Variants in TRPV3 observed in about 807,000 individuals in gnomAD.
The protein encoded by TRPV3 is transient receptor potential cation channel subfamily V member 3, also known as VRL-3.
Under a neutral mutation model 87.1 loss-of-function variants are expected in TRPV3, and 88 were observed. The observed-to-expected ratio is 1.01, with a 90% confidence interval of 0.85 to 1.21. The LOEUF (loss-of-function observed/expected upper bound fraction) is 1.21. Ranked by LOEUF, TRPV3 falls within the 50% of genes most tolerant of loss-of-function variation. TRPV3 has a pLI of 0.00. For synonymous variants in TRPV3, 438 were observed against 423.3 expected (o/e 1.03, Z -0.43); for missense variants, 1,054 against 1,030.1 (o/e 1.02, Z -0.32).
At chr17:3,520,178 GA>G (rs1555543756) in intron 14 of TRPV3, among the ~76,000 whole-genome samples, 1 of 151,568 alleles carries the variant, frequency 6.6e-6, no homozygotes, top group East Asian at 2.0e-4. Context: ...CTGAAGAAAA[GA>G]AAAAAAAGCA....
intron 14 of TRPV3, among the ~76,000 whole-genome samples, chr17:3,519,908 G>GGATA (rs2074230002): frequency 1.5e-5 from 1 of 68,380 alleles, no homozygotes; most frequent in African/African-American, 8.0e-5. Context: ...ATGATTAGAT[G>GGATA]GATGGATGGA....
At chr17:3,523,718 C>CAAAAAAAAAAAAAAAAAAAAAAAAAAAA (rs201681037) in intron 13 of TRPV3, among the ~76,000 whole-genome samples, 1 of 78,638 alleles carries the variant, frequency 1.3e-5, no homozygotes. Context: ...ACTTGGTCTC[C>CAAAAAAAAAAAAAAAAAAAAAAAAAAAA]AAAAAAAAAA....
At chr17:3,542,895 G>A (rs2074481403) in intron 5 of TRPV3, among the ~76,000 whole-genome samples, 197 bp from the exon 6 acceptor site, 1 of 151,930 alleles carries the variant, frequency 6.6e-6, no homozygotes, top group Non-Finnish European at 1.5e-5. Context: ...CTTGCTCTCT[G>A]TGGCCCATGG....
chr17:3,535,557 CG>C lies in TRPV3; in HGVS notation c.784+15del. On this transcript the variant is annotated intron_variant, in intron 7 of 17. Coordinates refer to ENST00000576742, the MANE Select transcript of TRPV3 (RefSeq NM_145068.4). The stretch of plus-strand genomic sequence containing the variant: ...CCCTCCTCCCAGACTCCGCACCGGG[CG>C]GGGGCGGCACCCACCGAAGTAGAAG... 6.4e-7 allele frequency: 1 copy of C among 1,570,684 alleles called. No individual in the cohort carries two copies. Among genetic ancestry groups the C allele is most frequent in the South Asian group, 1.2e-5 (1 of 86,444 alleles).
intron 11 of TRPV3, 73 bp downstream of exon 11, chr17:3,527,952 G>C (rs1341173596): frequency 4.1e-5 from 48 of 1,175,452 alleles, no homozygotes; most frequent in South Asian, 3.9e-4. Flanking sequence ...AGTAATGGCA[G>C]AGCAGAGAGG....
chr17:3,530,356 C>G lies in TRPV3; in HGVS notation c.1066-153G>C. The G allele has an allele frequency of 1.5e-6, 1 of 664,022 alleles. No homozygotes were observed. Among genetic ancestry groups the G allele is most frequent in the Non-Finnish European group, 2.5e-6 (1 of 407,596 alleles). The allele number at this position is 664,022 out of a possible 1,614,324, so 41.1% of individuals were successfully genotyped here. On this transcript the variant is annotated intron_variant, in intron 8 of 17. Transcript: ENST00000576742. This position sits in a 1 kb window ranked among gnomAD's most constrained non-coding sequence, Gnocchi z 4.0. ...CGCCTGGCGCCATGGCCCCTGGGCC[C>G]CGTCTTTATCTGTGGAATGCGCACA...
intron 1 of TRPV3, among the ~76,000 whole-genome samples, chr17:3,555,500 C>G (rs1318159104): frequency 6.6e-6 from 1 of 152,200 alleles, no homozygotes; most frequent in African/African-American, 2.4e-5. Flanking sequence ...GTGTAACCAG[C>G]TTATGGCTGC....
chr17:3,552,058 T>A (rs1313666406), intron 2 of TRPV3, among the ~76,000 whole-genome samples: 4 of 147,334 alleles, frequency 2.7e-5, no homozygotes, highest in Admixed American at 2.0e-4. Context: ...AATTTTTGTA[T>A]TTTTTTTTAG....
At chr17:3,536,772 G>T (rs996992513) in intron 6 of TRPV3, among the ~76,000 whole-genome samples, 14 of 152,236 alleles carry the variant, frequency 9.2e-5, no homozygotes, top group Admixed American at 7.2e-4. Context: ...GTGGGTGAAT[G>T]ATACGCTGGT....
chr17:3,521,214 G>T (rs1459348593), intron 13 of TRPV3, among the ~76,000 whole-genome samples, 175 bp from the exon 14 acceptor site: 1 of 143,914 alleles, frequency 6.9e-6, no homozygotes, highest in Non-Finnish European at 1.5e-5. Flanking sequence ...ACTGGATCCT[G>T]CCTCCTCCAG....
In TRPV3 at chr17:3,530,070, TC is replaced by T; in HGVS notation, c.1198del (p.Asp400ThrfsTer21). 1 of 1,614,042 alleles carries T rather than the reference TC, an allele frequency of 6.2e-7. No homozygotes were observed. The highest frequency in any genetic ancestry group is 8.5e-7 in the Non-Finnish European group (1 of 1,179,950). ...GACAGTGATTTCCAGCACTGAGTTG[TC>T]CGTGGTGGTGTCCACGTTGGTGAGG... ...YDLTNVDTTTDNSVLEITVYN... is the reference protein window; with the variant it reads ...YDLTNVDTTTXNSVLEITVYN... On this transcript the variant is annotated frameshift_variant, in exon 9 of 18. Transcript: ENST00000576742. LOFTEE classifies it high-confidence loss of function. The surrounding 1 kb of genome is among the most constrained non-coding windows in gnomAD (Gnocchi z 4.0).
chr17:3,514,592 C>T lies in TRPV3; in HGVS notation c.2278+1G>A, dbSNP rs1420359689. 3.1e-6 allele frequency: 5 copies of T among 1,611,860 alleles called. No homozygotes were observed. Among genetic ancestry groups the T allele is most frequent in the Admixed American group, 1.7e-5 (1 of 60,024 alleles). On this transcript the variant is annotated splice_donor_variant, in intron 17 of 17. Transcript: ENST00000576742. LOFTEE classifies it high-confidence loss of function. ...ACCATGTCACCTCACAGCGACAGTA[C>T]CTGTTCGTCTTACAGGCCCCGGGTC...
In TRPV3 at chr17:3,528,816, C is replaced by T. The variant is rs1480269931; in HGVS notation, c.1401+21G>A. 1 of 1,613,598 alleles carries T rather than the reference C, an allele frequency of 6.2e-7. No individual in the cohort carries two copies. Among genetic ancestry groups the T allele is most frequent in the Non-Finnish European group, 8.5e-7 (1 of 1,179,794 alleles). Reference sequence around the variant, plus strand: ...TCCAGCTCTGACGGCCCCATTTTCCCCCTCCAAGGGGCCCACGTACCTCCT... The same window carrying T: ...TCCAGCTCTGACGGCCCCATTTTCCTCCTCCAAGGGGCCCACGTACCTCCT... On this transcript the variant is annotated intron_variant, in intron 10 of 17. Transcript: ENST00000576742. This position sits in a 1 kb window ranked among gnomAD's most constrained non-coding sequence, Gnocchi z 4.2.
rs762358440 is a variant in TRPV3 at position 3,545,282 on chromosome 17, A to C, written c.120-11T>G. 1.9e-6 allele frequency: 3 copies of C among 1,605,794 alleles called. No homozygotes were observed. Among genetic ancestry groups the C allele is most frequent in the Non-Finnish European group, 2.6e-6 (3 of 1,172,988 alleles). ...AGGAAGAAGTGTGCACTGAGGGAAC[A>C]CGGAGGAAGCCTGTTAGGGCCGAGC... On this transcript the variant is annotated splice_polypyrimidine_tract_variant and intron_variant, in intron 2 of 17. Coordinates refer to ENST00000576742, the MANE Select transcript of TRPV3 (RefSeq NM_145068.4).
At chr17:3,538,969 C>G (rs1485183388) in intron 6 of TRPV3, among the ~76,000 whole-genome samples, 1 of 152,172 alleles carries the variant, frequency 6.6e-6, no homozygotes, top group Non-Finnish European at 1.5e-5. Flanking sequence ...CACCTGTGCA[C>G]AGGGTCATAG....
At chr17:3,524,755 T>C (rs4790143) in intron 12 of TRPV3, among the ~76,000 whole-genome samples, 77,428 of 148,140 alleles carry the variant, frequency 0.52, 20,793 homozygotes, top group East Asian at 0.79. Flanking sequence ...GAGAAACGCT[T>C]CAGGCCAGGA....
At chr17:3,527,837 G>C (rs2074313234) in intron 11 of TRPV3, 188 bp downstream of exon 11, 1 of 592,774 alleles carries the variant, frequency 1.7e-6, no homozygotes, top group Admixed American at 2.9e-5. Context: ...TAGAGAAGTA[G>C]ATGGATGAAG....
At position 3,530,242 on chromosome 17, in the gene TRPV3, G is replaced by A. The variant is rs769285211; in HGVS notation, c.1066-39C>T. 1.3e-6 allele frequency: 2 copies of A among 1,585,102 alleles called. No homozygotes were observed. Among genetic ancestry groups the A allele is most frequent in the African/African-American group, 2.7e-5 (2 of 74,764 alleles). On this transcript the variant is annotated intron_variant, in intron 8 of 17. Transcript: ENST00000576742. This position sits in a 1 kb window ranked among gnomAD's most constrained non-coding sequence, Gnocchi z 4.0. ...AGGAACAACCATCAGCTGCAGAACAGGGGCTTAAGGCCAACAGGGCTGGAC... is the reference window on the plus strand; with the variant it reads ...AGGAACAACCATCAGCTGCAGAACAAGGGCTTAAGGCCAACAGGGCTGGAC...
chr17:3,544,086 A>G (rs921586289), intron 4 of TRPV3, among the ~76,000 whole-genome samples: 1 of 147,056 alleles, frequency 6.8e-6, no homozygotes, highest in African/African-American at 2.5e-5. Flanking sequence ...TCAGCTCACT[A>G]CAACCTCCAC....
Sources: allele counts gnomAD v4.1 joint callset (sites outside exome capture counted in the v4.1 genomes callset), GRCh38; gene constraint gnomAD v4.1.1; non-coding constraint Gnocchi (gnomAD v3.1); transcripts MANE v1.5; gene names NCBI Gene and HGNC (gene_info 2026-07-23, HGNC 2026-07-21).